The following GALNT9 variants were observed in gnomAD, a reference collection of about 807,000 sequenced individuals.
The protein encoded by GALNT9 is polypeptide N-acetylgalactosaminyltransferase 9.
GALNT9 carries 47 observed loss-of-function variants against 63.1 expected under a neutral mutation model. The ratio of observed to expected loss-of-function variants is 0.75; its 90% CI spans 0.59 to 0.95. The LOEUF is 0.95. Ranked by LOEUF, GALNT9 falls within the 40% of genes least tolerant of loss-of-function variation. The probability of loss-of-function intolerance (pLI) is 0.00; values close to 1 mark genes in which losing one functional copy is unlikely to be tolerated. For synonymous variants in GALNT9, 396 were observed against 365.7 expected (o/e 1.08, Z -0.94); for missense variants, 829 against 874.8 (o/e 0.95, Z 0.66).
In GALNT9 at chr12:132,267,792, C is replaced by T. The variant is rs1418426031; in HGVS notation, c.420-5167G>A. Among the ~76,000 whole-genome samples, 587 of 100,894 alleles carry T rather than the reference C, an allele frequency of 5.8e-3. 11 individuals carry two copies. Among genetic ancestry groups the T allele is most frequent in the African/African-American group, 0.021 (528 of 24,584 alleles). 66.2% of individuals were successfully genotyped at this position (100,894 alleles called of 152,430 possible). A position where few individuals can be genotyped will look rare whatever the true frequency, so the allele number is the denominator to read the frequency against. ...GCACTCACACACACGCACACACACG[C>T]ACTCACACGCACTCACACACGCACT... is the stretch of plus-strand genomic sequence containing the variant. On this transcript the variant is annotated intron_variant, in intron 2 of 10. Transcript: ENST00000328957.
At chr12:132,301,746 C>A (rs1881304496) in intron 1 of GALNT9, among the ~76,000 whole-genome samples, 1 of 152,276 alleles carries the variant, frequency 6.6e-6, no homozygotes. Context: ...ATGCCCTGCA[C>A]AACCTTCATG....
At chr12:132,233,244 GA>G in intron 6 of GALNT9, among the ~76,000 whole-genome samples, 1 of 17,202 alleles carries the variant, frequency 5.8e-5, no homozygotes, top group Non-Finnish European at 1.1e-4. Flanking sequence ...TGGGGCGACA[GA>G]GGAGACAGCG....
intron 6 of GALNT9, among the ~76,000 whole-genome samples, chr12:132,235,664 TCGGGACAGGGCAGGAGGG>T (rs1877976595): frequency 1.3e-5 from 2 of 151,558 alleles, no homozygotes; most frequent in East Asian, 2.0e-4. Context: ...GGCCAGCCCC[TCGGGACAGGGCAGGAGGG>T]TCCCCCGGGC....
At chr12:132,227,510 C>T (rs1162949526) in intron 6 of GALNT9, among the ~76,000 whole-genome samples, 14 of 152,208 alleles carry the variant, frequency 9.2e-5, no homozygotes, top group African/African-American at 2.2e-4. Flanking sequence ...GTGCACGTCT[C>T]GGCCCAGACA....
At chr12:132,268,298 C>T (rs1306895580) in intron 2 of GALNT9, among the ~76,000 whole-genome samples, 1 of 152,296 alleles carries the variant, frequency 6.6e-6, no homozygotes, top group Non-Finnish European at 1.5e-5. Flanking sequence ...GAAACACACA[C>T]GTATGCTCTC....
chr12:132,212,229 C>T (rs1169926272), intron 6 of GALNT9, among the ~76,000 whole-genome samples: 3 of 134,528 alleles, frequency 2.2e-5, no homozygotes, highest in African/African-American at 5.7e-5. Context: ...GGTCTGCAGC[C>T]CTCAGACCTC....
In GALNT9 at chr12:132,265,294, G is replaced by A. The variant is rs1344948467; in HGVS notation, c.420-2669C>T. Among the ~76,000 whole-genome samples, 1 of 152,156 alleles carries A rather than the reference G, an allele frequency of 6.6e-6. No homozygotes were observed. Among genetic ancestry groups the A allele is most frequent in the Non-Finnish European group, 1.5e-5 (1 of 68,032 alleles). ...ACGGGGAGAAAATGACGGCTGGACC[G>A]GTCCTCCCCGTGGAAGCCTTTCCTT... On this transcript the variant is annotated intron_variant, in intron 2 of 10. Coordinates refer to ENST00000328957, the MANE Select transcript of GALNT9 (RefSeq NM_001122636.2). The surrounding 1 kb of genome is among the most constrained non-coding windows in gnomAD (Gnocchi z 5.3).
chr12:132,324,985 TGCG>T (rs1312849611), intron 1 of GALNT9, among the ~76,000 whole-genome samples: 3 of 152,184 alleles, frequency 2.0e-5, no homozygotes, highest in Non-Finnish European at 4.4e-5. Context: ...AAGCAGGGGC[TGCG>T]TCCCGGTGGG....
chr12:132,303,390 G>GCCTGGGCACAC, intron 1 of GALNT9, among the ~76,000 whole-genome samples: 1 of 101,776 alleles, frequency 9.8e-6, no homozygotes, highest in East Asian at 3.4e-4. Flanking sequence ...CCGGGGCACA[G>GCCTGGGCACAC]CCTCGCCCGG....
intron 6 of GALNT9, among the ~76,000 whole-genome samples, chr12:132,225,353 TACCAC>T (rs1877629298): frequency 5.5e-4 from 56 of 102,396 alleles, no homozygotes; most frequent in African/African-American, 1.1e-3. Flanking sequence ...CACATATACA[TACCAC>T]ACAACTCACA....
chr12:132,228,787 C>A (rs1473755452), intron 6 of GALNT9, among the ~76,000 whole-genome samples: 2 of 151,860 alleles, frequency 1.3e-5, no homozygotes, highest in Admixed American at 6.6e-5. Context: ...GCTTTCCTGG[C>A]CCGACTCTCA....
chr12:132,207,757 G>A (rs1458933579), intron 6 of GALNT9, among the ~76,000 whole-genome samples: 1 of 152,190 alleles, frequency 6.6e-6, no homozygotes, highest in Non-Finnish European at 1.5e-5. Flanking sequence ...TGTGTGAGGT[G>A]CCCCCTAAGC....
At chr12:132,213,041 G>A (rs1431697616) in intron 6 of GALNT9, among the ~76,000 whole-genome samples, 2 of 136,426 alleles carry the variant, frequency 1.5e-5, no homozygotes, top group African/African-American at 5.5e-5. Context: ...TTGAGACCTC[G>A]ACACGGAAAC....
rs782448676 is a variant in GALNT9, at chr12:132,310,206, C to T, written c.238+18760G>A. ...GCAGGAGGGGAGGAGCTGGGATTCA[C>T]GTGGGGCTGGGCTTGTGAGGGTGCC... On this transcript the variant is annotated intron_variant, in intron 1 of 10. Transcript: ENST00000328957. This position sits in a 1 kb window ranked among gnomAD's most constrained non-coding sequence, Gnocchi z 4.8. Among the ~76,000 whole-genome samples the T allele has an allele frequency of 2.0e-5, 3 of 152,196 alleles. No individual in the cohort carries two copies. The highest frequency in any genetic ancestry group is 6.5e-5 in the Admixed American group (1 of 15,268).
chr12:132,197,712 C>G, intron 10 of GALNT9, 80 bp downstream of exon 10: 1 of 1,109,028 alleles, frequency 9.0e-7, no homozygotes, highest in South Asian at 1.5e-5. Context: ...AATGGGCTGG[C>G]TCTAGTGGCA....
chr12:132,208,502 G>C (rs1836219256), intron 6 of GALNT9, among the ~76,000 whole-genome samples: 1 of 152,230 alleles, frequency 6.6e-6, no homozygotes, highest in Non-Finnish European at 1.5e-5. Context: ...AACCCACCCA[G>C]TGCCAAGGCC....
intron 1 of GALNT9, among the ~76,000 whole-genome samples, chr12:132,328,018 C>T (rs2135595865): frequency 6.6e-6 from 1 of 152,322 alleles, no homozygotes; most frequent in South Asian, 2.1e-4. Flanking sequence ...GCTGCCAAGG[C>T]AGAAGCCTGA....
chr12:132,321,781 G>A (rs558686997), intron 1 of GALNT9, among the ~76,000 whole-genome samples: 8 of 151,892 alleles, frequency 5.3e-5, no homozygotes, highest in Non-Finnish European at 1.0e-4. Flanking sequence ...CCACACACCT[G>A]TCCCCTCACA....
rs1555237997 is a variant in GALNT9 at position 132,246,212 on chromosome 12, C to T, written c.1077+1698G>A. Reference sequence around the variant, plus strand: ...GAAGTCAGAATATTAAAGAACCTGCCAGATTAACTTCCAGCTTCCATTTTA... The same window carrying T: ...GAAGTCAGAATATTAAAGAACCTGCTAGATTAACTTCCAGCTTCCATTTTA... On this transcript the variant is annotated intron_variant, in intron 6 of 10. Transcript: ENST00000328957. This position sits in a 1 kb window ranked among gnomAD's most constrained non-coding sequence, Gnocchi z 4.7. Among the ~76,000 whole-genome samples the T allele has an allele frequency of 2.0e-5, 3 of 152,230 alleles. No homozygotes were observed. Among genetic ancestry groups the T allele is most frequent in the African/African-American group, 7.2e-5 (3 of 41,462 alleles).
Sources: allele counts gnomAD v4.1 joint callset (sites outside exome capture counted in the v4.1 genomes callset), GRCh38; gene constraint gnomAD v4.1.1; non-coding constraint Gnocchi (gnomAD v3.1); transcripts MANE v1.5; gene names NCBI Gene and HGNC (gene_info 2026-07-23, HGNC 2026-07-21).